Variants in LUZP2 observed in about 807,000 individuals in gnomAD.
LUZP2 encodes the protein leucine zipper protein 2.
In LUZP2, 52 loss-of-function variants were observed where a neutral mutation model predicts 51.6. The ratio of observed to expected loss-of-function variants is 1.01; its 90% CI spans 0.81 to 1.27. LUZP2 has a LOEUF of 1.27. Among genes scored for constraint, LUZP2 ranks in the 50% most tolerant of loss-of-function variants. LUZP2 has a pLI of 0.00. For missense variants in LUZP2, 436 were observed against 395.4 expected, an observed-to-expected ratio of 1.10 and a Z score of -0.87; for synonymous variants, 154 against 137.3, an observed-to-expected ratio of 1.12 and a Z score of -0.85.
chr11:24,982,655 T>C (rs1856071457), intron 8 of LUZP2, among the ~76,000 whole-genome samples: 1 of 151,690 alleles, frequency 6.6e-6, no homozygotes, highest in Non-Finnish European at 1.5e-5. Context: ...AAAGGACAAC[T>C]GCTGGGTACT....
chr11:24,962,951 C>T (rs371283584), intron 7 of LUZP2, among the ~76,000 whole-genome samples: 2,505 of 152,220 alleles, frequency 0.016, 38 homozygotes, highest in South Asian at 0.083. Flanking sequence ...GTGTGGATGT[C>T]CTTTCTGTTT....
intron 5 of LUZP2, among the ~76,000 whole-genome samples, chr11:24,790,566 A>G (rs532972810): frequency 6.6e-6 from 1 of 152,208 alleles, no homozygotes; most frequent in East Asian, 1.9e-4. Context: ...CAGTGGCACA[A>G]TCTCAGCTCA....
chr11:24,951,711 T>C (rs2133864436), intron 7 of LUZP2, among the ~76,000 whole-genome samples: 1 of 151,716 alleles, frequency 6.6e-6, no homozygotes, highest in South Asian at 2.1e-4. Context: ...CCTTTCCAGT[T>C]GTACAATTTG....
chr11:25,044,588 T>G (rs957113121), intron 9 of LUZP2, among the ~76,000 whole-genome samples: 9 of 152,114 alleles, frequency 5.9e-5, no homozygotes, highest in Non-Finnish European at 1.3e-4. Flanking sequence ...ATTTTCTTCC[T>G]ATTGTTAAAA....
At chr11:24,558,888 A>G (rs533517220) in intron 1 of LUZP2, among the ~76,000 whole-genome samples, 3 of 152,262 alleles carry the variant, frequency 2.0e-5, no homozygotes, top group Admixed American at 2.0e-4. Context: ...TGATCTTGGA[A>G]TTTCCAAACC....
intron 1 of LUZP2, among the ~76,000 whole-genome samples, chr11:24,623,356 C>T (rs1854567031): frequency 6.6e-6 from 1 of 152,094 alleles, no homozygotes. Context: ...GTATGCTTAC[C>T]TACTCATAGT....
chr11:24,780,611 A>G (rs150151948), intron 5 of LUZP2, among the ~76,000 whole-genome samples: 5 of 152,268 alleles, frequency 3.3e-5, no homozygotes, highest in African/African-American at 1.2e-4. Context: ...GATGATGATG[A>G]TCGTAATAAC....
intron 1 of LUZP2, among the ~76,000 whole-genome samples, chr11:24,709,617 A>G (rs1250375950): frequency 1.3e-5 from 2 of 152,206 alleles, no homozygotes; most frequent in African/African-American, 4.8e-5. Context: ...TCCAGGAATA[A>G]TTAGAAGAAC....
chr11:24,603,640 A>G (rs1343510499), intron 1 of LUZP2, among the ~76,000 whole-genome samples: 1 of 151,892 alleles, frequency 6.6e-6, no homozygotes, highest in African/African-American at 2.4e-5. Context: ...ACAATCCTGT[A>G]TGTAAATATG....
intron 7 of LUZP2, among the ~76,000 whole-genome samples, chr11:24,973,004 C>G (rs1318055342): frequency 6.7e-6 from 1 of 149,614 alleles, no homozygotes; most frequent in African/African-American, 2.5e-5. Flanking sequence ...GAAATAGTAC[C>G]AGCTCTTCTT....
At chr11:24,763,535 C>G (rs1004200157) in intron 5 of LUZP2, among the ~76,000 whole-genome samples, 3 of 151,878 alleles carry the variant, frequency 2.0e-5, no homozygotes, top group African/African-American at 7.2e-5. Context: ...GTTCATTTTT[C>G]TTTCTAATTA....
At chr11:24,943,990 C>G (rs1854833498) in intron 7 of LUZP2, among the ~76,000 whole-genome samples, 1 of 151,796 alleles carries the variant, frequency 6.6e-6, no homozygotes, top group Non-Finnish European at 1.5e-5. Flanking sequence ...TCAAGAAGTC[C>G]ATGTATAATA....
chr11:24,941,943 C>T (rs1336146814), intron 7 of LUZP2, among the ~76,000 whole-genome samples: 1 of 151,546 alleles, frequency 6.6e-6, no homozygotes, highest in African/African-American at 2.4e-5. Flanking sequence ...CTCTCCATGC[C>T]CTGCTTTCTT....
chr11:24,659,855 G>A (rs1855957348), intron 1 of LUZP2, among the ~76,000 whole-genome samples: 1 of 152,096 alleles, frequency 6.6e-6, no homozygotes. Context: ...CCTTGAATAT[G>A]AGCAGAATCT....
At chr11:24,741,777 A>G (rs1413631649) in intron 4 of LUZP2, among the ~76,000 whole-genome samples, 3 of 145,610 alleles carry the variant, frequency 2.1e-5, no homozygotes, top group Admixed American at 7.0e-5. Flanking sequence ...GTATTCCATT[A>G]TATATATATG....
rs1202731999 is a variant in LUZP2 at position 24,656,563 on chromosome 11, C to T, written c.63-72606C>T. Reference sequence around the variant, plus strand: ...GGTAAAATCAAGGTGTCTGCAGGGCCTCATTCCTTCCAGGAGGCTCTGGGA... The same window carrying T: ...GGTAAAATCAAGGTGTCTGCAGGGCTTCATTCCTTCCAGGAGGCTCTGGGA... On this transcript the variant is annotated intron_variant, in intron 1 of 11. Coordinates refer to ENST00000336930, the MANE Select transcript of LUZP2 (RefSeq NM_001009909.4). Among the ~76,000 whole-genome samples the T allele has an allele frequency of 1.6e-4, 24 of 152,136 alleles. 1 individual carries two copies. Among genetic ancestry groups the T allele is most frequent in the Non-Finnish European group, 1.5e-5 (1 of 68,022 alleles).
intron 3 of LUZP2, among the ~76,000 whole-genome samples, chr11:24,732,934 G>A (rs1353930707): frequency 1.3e-5 from 2 of 151,584 alleles, no homozygotes; most frequent in African/African-American, 2.4e-5. Flanking sequence ...TGAGAATCAC[G>A]TTAATTGGAA....
rs12294443 is a variant in LUZP2 at position 24,550,409 on chromosome 11, G to C, written c.62+53104G>C. Among the ~76,000 whole-genome samples, 983 of 152,148 alleles carry C rather than the reference G, an allele frequency of 6.5e-3. 7 individuals carry two copies. Among genetic ancestry groups the C allele is most frequent in the African/African-American group, 0.023 (943 of 41,530 alleles). On this transcript the variant is annotated intron_variant, in intron 1 of 11. Transcript: ENST00000336930. The stretch of plus-strand genomic sequence containing the variant: ...AAAGACTTATTCTGTTAGCTGGGTT[G>C]GTTGTTAGAACTGCTTAACAAAATA...
chr11:24,602,267 T>TGCATATATGTGTATATATGCAA (rs1198322910), intron 1 of LUZP2, among the ~76,000 whole-genome samples: 1 of 139,640 alleles, frequency 7.2e-6, no homozygotes, highest in Non-Finnish European at 1.5e-5. Context: ...AACATATATG[T>TGCATATATGTGTATATATGCAA]ACATACATAT....
Sources: allele counts gnomAD v4.1 joint callset (sites outside exome capture counted in the v4.1 genomes callset), GRCh38; gene constraint gnomAD v4.1.1; transcripts MANE v1.5; gene names NCBI Gene and HGNC (gene_info 2026-07-23, HGNC 2026-07-21).